Variants in SPATA13 observed in about 807,000 individuals in gnomAD.
The protein encoded by SPATA13 is spermatogenesis-associated protein 13.
Under a neutral mutation model 104.0 loss-of-function variants are expected in SPATA13, and 50 were observed. That is an observed-to-expected ratio of 0.48 (90% CI 0.38 to 0.61). SPATA13 has a LOEUF of 0.61. Ranked by LOEUF, SPATA13 falls within the 20% of genes least tolerant of loss-of-function variation. The probability of loss-of-function intolerance (pLI) is 0.00; values close to 1 mark genes in which losing one functional copy is unlikely to be tolerated. For missense variants in SPATA13, 1,524 were observed against 1,690.6 expected, an observed-to-expected ratio of 0.90 and a Z score of 1.73; for synonymous variants, 606 against 667.5, an observed-to-expected ratio of 0.91 and a Z score of 1.42.
At position 24,301,434 on chromosome 13, in the gene SPATA13, C is replaced by T. The variant is rs529183871; in HGVS notation, c.3658+959C>T. Among the ~76,000 whole-genome samples the T allele has an allele frequency of 7.0e-4, 107 of 152,366 alleles. 3 individuals carry two copies. The South Asian group carries it at 0.021, about 30-fold the overall frequency. On this transcript the variant is annotated intron_variant, in intron 12 of 12. Transcript: ENST00000382108. ...TACAAATATCTTTAAGGCAGAAAAA[C>T]CCATGTTATTAATTTTTTTAAATCT...
Position 24,180,987 on chromosome 13 carries a change from A to G in SPATA13, c.-112+20055A>G, listed in dbSNP as rs964378031. 2.6e-5 allele frequency among the ~76,000 whole-genome samples: 4 copies of G among 152,370 alleles called. No homozygotes were observed. The East Asian group carries it at 7.7e-4, about 29-fold the overall frequency. The stretch of plus-strand genomic sequence containing the variant: ...CCTGTTGCTTCTAGGCTACAATCCT[A>G]TACAGCATGTGACTGTACTGAATAC... On this transcript the variant is annotated intron_variant, in intron 1 of 12. Transcript: ENST00000382108.
chr13:24,231,053 T>G (rs1049785204), intron 2 of SPATA13, among the ~76,000 whole-genome samples: 30 of 152,172 alleles, frequency 2.0e-4, no homozygotes, highest in Non-Finnish European at 2.1e-4. Flanking sequence ...AAAGAACACT[T>G]GGCTCCCCCC....
intron 2 of SPATA13, among the ~76,000 whole-genome samples, chr13:24,015,746 C>G (rs888843745): frequency 3.4e-4 from 5 of 14,534 alleles, no homozygotes; most frequent in South Asian, 0.012. Context: ...CAGGCCCCCC[C>G]CCAATTCCTA....
At chr13:24,037,869 T>C (rs1368466720) in intron 3 of SPATA13, among the ~76,000 whole-genome samples, 1 of 152,100 alleles carries the variant, frequency 6.6e-6, no homozygotes, top group Non-Finnish European at 1.5e-5. Context: ...TCTTCAGAAA[T>C]TTTACTCCTC....
intron 3 of SPATA13, among the ~76,000 whole-genome samples, chr13:24,024,617 G>A (rs1288142606): frequency 6.6e-6 from 1 of 151,468 alleles, no homozygotes; most frequent in Non-Finnish European, 1.5e-5. Flanking sequence ...CCGCTATGAT[G>A]CATCCAGTGC....
intron 2 of SPATA13, among the ~76,000 whole-genome samples, chr13:24,005,885 GA>G (rs1876200880): frequency 6.6e-6 from 1 of 152,164 alleles, no homozygotes; most frequent in South Asian, 2.1e-4. Context: ...TCTTAATAAA[GA>G]CATCCACCCC....
At chr13:24,091,923 C>T (rs1879922723) in intron 3 of SPATA13, among the ~76,000 whole-genome samples, 1 of 152,148 alleles carries the variant, frequency 6.6e-6, no homozygotes, top group African/African-American at 2.4e-5. Flanking sequence ...CTGCTGTTCT[C>T]AGGCTTTCAC....
chr13:24,073,573 A>G (rs1879235417), intron 3 of SPATA13, among the ~76,000 whole-genome samples: 1 of 152,202 alleles, frequency 6.6e-6, no homozygotes, highest in African/African-American at 2.4e-5. Flanking sequence ...CATAGCAGCT[A>G]CTGCCACATT....
chr13:24,004,657 C>G (rs1242123493), intron 2 of SPATA13, among the ~76,000 whole-genome samples: 1 of 152,148 alleles, frequency 6.6e-6, no homozygotes, highest in Non-Finnish European at 1.5e-5. Flanking sequence ...CACAGTGCAT[C>G]AATTAAATCA....
intron 3 of SPATA13, among the ~76,000 whole-genome samples, chr13:24,050,010 T>C (rs1878285783): frequency 6.6e-6 from 1 of 152,096 alleles, no homozygotes; most frequent in African/African-American, 2.4e-5. Flanking sequence ...GTAGCTGGGA[T>C]TACAGGTGCC....
At chr13:24,219,263 C>CT (rs1351725187) in intron 1 of SPATA13, among the ~76,000 whole-genome samples, 2 of 152,098 alleles carry the variant, frequency 1.3e-5, no homozygotes, top group South Asian at 2.1e-4. Flanking sequence ...CAGGAAAAGG[C>CT]TTTTTTTCCA....
intron 1 of SPATA13, among the ~76,000 whole-genome samples, chr13:24,178,107 G>A (rs1050578999): frequency 6.6e-6 from 1 of 152,066 alleles, no homozygotes; most frequent in African/African-American, 2.4e-5. Context: ...TCCCACCTTG[G>A]CCTCCCAAAG....
At chr13:24,062,193 G>A (rs181520561) in intron 3 of SPATA13, among the ~76,000 whole-genome samples, 6 of 152,366 alleles carry the variant, frequency 3.9e-5, no homozygotes, top group Admixed American at 3.9e-4. Flanking sequence ...GTACAGTGTG[G>A]CTGTTTACTA....
At chr13:24,158,574 T>C (rs1377755646), upstream of SPATA13, among the ~76,000 whole-genome samples, 1 of 152,208 alleles carries the variant, frequency 6.6e-6, no homozygotes, top group African/African-American at 2.4e-5. Context: ...TCTTGAGCCA[T>C]CCTGCCTTCC....
intron 3 of SPATA13, among the ~76,000 whole-genome samples, chr13:24,096,203 T>G (rs552402962): frequency 6.6e-6 from 1 of 152,274 alleles, no homozygotes; most frequent in East Asian, 1.9e-4. Context: ...ACATAGCCCA[T>G]GTTCACGTGG....
chr13:24,249,680 C>G lies in SPATA13; in HGVS notation c.1857C>G (p.Asp619Glu). 6.2e-7 allele frequency: 1 copy of G among 1,614,150 alleles called. No individual in the cohort carries two copies. Among genetic ancestry groups the G allele is most frequent in the Non-Finnish European group, 8.5e-7 (1 of 1,180,022 alleles). ...AADPQKEDRV[D>E]EDPQASMTSA... ...ACCCCCAGAAGGAAGACCGTGTGGACGAGGACCCCCAGGCAAGCATGACTT... is the reference window on the plus strand; with the variant it reads ...ACCCCCAGAAGGAAGACCGTGTGGAGGAGGACCCCCAGGCAAGCATGACTT... Residue 619 changes from aspartate to glutamate, a missense_variant, in exon 3 of 13, where the codon GAC becomes GAG. By Grantham distance (45) the Asp-to-Glu change is conservative (BLOSUM62 2). Around this residue, in one of 2 missense-constraint regions of SPATA13, gnomAD observed 1,089 missense variants for 1,135.9 expected, o/e 0.96. Coordinates refer to ENST00000382108, the MANE Select transcript of SPATA13 (RefSeq NM_001166271.3).
chr13:24,300,030 C>T (rs890339371), intron 11 of SPATA13, among the ~76,000 whole-genome samples: 2 of 152,206 alleles, frequency 1.3e-5, no homozygotes, highest in Non-Finnish European at 2.9e-5. Flanking sequence ...TGGGTGAACA[C>T]GCCCTGGGAC....
At chr13:24,029,020 C>T (rs1207790407) in intron 3 of SPATA13, among the ~76,000 whole-genome samples, 2 of 151,976 alleles carry the variant, frequency 1.3e-5, no homozygotes, top group East Asian at 1.9e-4. Flanking sequence ...TTTGTTTCCT[C>T]GTATGTGGTT....
chr13:24,252,616 C>G (rs1014908912), intron 4 of SPATA13: 1 of 152,194 alleles, frequency 6.6e-6, no homozygotes, highest in South Asian at 2.1e-4. Context: ...CACTTCTCCT[C>G]CCACCCCGTA....
Sources: allele counts gnomAD v4.1 joint callset (sites outside exome capture counted in the v4.1 genomes callset), GRCh38; gene constraint gnomAD v4.1.1; regional missense constraint gnomAD v4.1.1; transcripts MANE v1.5; gene names NCBI Gene and HGNC (gene_info 2026-07-23, HGNC 2026-07-21).